RORB: variants seen among roughly 807,000 people sequenced by gnomAD.
The protein encoded by RORB is RAR related orphan receptor B.
Under a neutral mutation model 59.1 loss-of-function variants are expected in RORB, and 6 were observed. The ratio of observed to expected loss-of-function variants is 0.10; its 90% CI spans 0.06 to 0.20. RORB has a LOEUF of 0.20. Ranked by LOEUF, RORB falls within the 10% of genes least tolerant of loss-of-function variation. The pLI is 1.00. For missense variants in RORB, 320 were observed against 560.5 expected, an observed-to-expected ratio of 0.57 and a Z score of 4.33; for synonymous variants, 215 against 204.5, an observed-to-expected ratio of 1.05 and a Z score of -0.44.
chr9:74,591,017 G>T (rs559193776), intron 1 of RORB, among the ~76,000 whole-genome samples: 2 of 152,044 alleles, frequency 1.3e-5, no homozygotes, highest in African/African-American at 4.8e-5. Context: ...GGATAGTCCC[G>T]ATCTCCTGAC....
chr9:74,561,454 A>G (rs548813818), intron 1 of RORB, among the ~76,000 whole-genome samples: 8 of 152,190 alleles, frequency 5.3e-5, no homozygotes, highest in Non-Finnish European at 8.8e-5. Context: ...AAGATTTCAA[A>G]TCTTTTATTT....
chr9:74,645,625 G>T (rs1181017326), intron 4 of RORB, among the ~76,000 whole-genome samples: 3 of 152,072 alleles, frequency 2.0e-5, no homozygotes, highest in Non-Finnish European at 2.9e-5. Flanking sequence ...TTGACTATTA[G>T]TATCACTGGT....
chr9:74,546,077 G>T (rs1826483964), intron 1 of RORB, among the ~76,000 whole-genome samples: 1 of 152,196 alleles, frequency 6.6e-6, no homozygotes, highest in Non-Finnish European at 1.5e-5. Flanking sequence ...CATGGCAGAA[G>T]GAAAATATGT....
intron 1 of RORB, among the ~76,000 whole-genome samples, chr9:74,533,892 G>A (rs1411201750): frequency 6.6e-6 from 1 of 151,994 alleles, no homozygotes; most frequent in African/African-American, 2.4e-5. Context: ...TGCATTAGGG[G>A]TTGGTAAAGG....
chr9:74,571,916 C>T (rs779932220), intron 1 of RORB, among the ~76,000 whole-genome samples: 3 of 152,100 alleles, frequency 2.0e-5, no homozygotes, highest in African/African-American at 4.8e-5. Flanking sequence ...CATTCCCAGT[C>T]GGTGCACATC....
At chr9:74,658,023 A>AT (rs1216852313) in intron 4 of RORB, among the ~76,000 whole-genome samples, 9 of 141,530 alleles carry the variant, frequency 6.4e-5, no homozygotes, top group Non-Finnish European at 1.1e-4. Flanking sequence ...AAAAAAAAAA[A>AT]AAAAAGAAAA....
chr9:74,497,662 A>T lies in RORB; in HGVS notation c.-315A>T, dbSNP rs1217659347. On this transcript the variant is annotated 5_prime_UTR_variant, in exon 1 of 10. Coordinates refer to ENST00000376896, the MANE Select transcript of RORB (RefSeq NM_006914.4). The stretch of plus-strand genomic sequence containing the variant: ...AAAGCAAGCACATTGGAGAGAAAGA[A>T]AAAGAAAAACAAAACCAAAACAAAA... The T allele has an allele frequency of 8.7e-6, 4 of 458,842 alleles. No individual in the cohort carries two copies. In the Admixed American group the frequency reaches 1.4e-4, roughly 16 times the overall value. The allele number at this position is 458,842 out of a possible 1,614,324, so 28.4% of individuals were successfully genotyped here.
intron 9 of RORB, among the ~76,000 whole-genome samples, chr9:74,673,386 G>A (rs1420723435): frequency 6.6e-6 from 1 of 151,882 alleles, no homozygotes; most frequent in Non-Finnish European, 1.5e-5. Context: ...GAAAATTCTC[G>A]CTATTCTGCT....
intron 1 of RORB, among the ~76,000 whole-genome samples, chr9:74,606,722 G>A (rs898702722): frequency 6.6e-6 from 1 of 152,216 alleles, no homozygotes; most frequent in African/African-American, 2.4e-5. Flanking sequence ...ACAGAGCTAA[G>A]TTGGTTTAAC....
chr9:74,691,882 A>G lies in RORB; in HGVS notation c.*6264A>G, dbSNP rs960769811. On this transcript the variant is annotated 3_prime_UTR_variant, in exon 10 of 10. Transcript: ENST00000376896. ...AGGGCTGTCAATTAAATCTGCTCCA[A>G]AGAATTTGTATTGAAGATTGGCCTA... 1.3e-5 allele frequency: 2 copies of G among 152,196 alleles called. No homozygotes were observed. The highest frequency in any genetic ancestry group is 4.8e-5 in the African/African-American group (2 of 41,448). The allele number at this position is 152,196 out of a possible 1,614,324, so 9.4% of individuals were successfully genotyped here.
At chr9:74,515,670 C>T (rs1283030826) in intron 1 of RORB, among the ~76,000 whole-genome samples, 1 of 151,954 alleles carries the variant, frequency 6.6e-6, no homozygotes, top group Admixed American at 6.6e-5. Flanking sequence ...TTCCAAAATG[C>T]TGTCACTTTT....
At chr9:74,503,280 A>G (rs1825826004) in intron 1 of RORB, among the ~76,000 whole-genome samples, 1 of 152,058 alleles carries the variant, frequency 6.6e-6, no homozygotes, top group South Asian at 2.1e-4. Flanking sequence ...CTTACTTTGA[A>G]TAGAATCTCT....
At chr9:74,621,431 T>C (rs1354344201) in intron 1 of RORB, among the ~76,000 whole-genome samples, 1 of 152,252 alleles carries the variant, frequency 6.6e-6, no homozygotes, top group Admixed American at 6.5e-5. Context: ...GCTCTTTTTA[T>C]ATTGCCAAAT....
chr9:74,545,341 C>A (rs1391458351), intron 1 of RORB, among the ~76,000 whole-genome samples: 2 of 152,058 alleles, frequency 1.3e-5, no homozygotes, highest in Admixed American at 6.5e-5. Flanking sequence ...GATTGCGGTG[C>A]CTTTTTGTAT....
chr9:74,593,164 G>T (rs1007431435), intron 1 of RORB, among the ~76,000 whole-genome samples: 4 of 152,148 alleles, frequency 2.6e-5, no homozygotes, highest in South Asian at 2.1e-4. Flanking sequence ...ACCATGACTT[G>T]ATTAAAACAG....
At chr9:74,671,949 G>T in intron 9 of RORB, 48 bp downstream of exon 9, 2 of 1,037,816 alleles carry the variant, frequency 1.9e-6, no homozygotes, top group South Asian at 3.0e-5. Flanking sequence ...AGAGCACAGT[G>T]AGCAAAAAGG....
intron 1 of RORB, among the ~76,000 whole-genome samples, chr9:74,557,273 A>G (rs976717291): frequency 2.6e-5 from 4 of 152,148 alleles, no homozygotes; most frequent in Non-Finnish European, 4.4e-5. Context: ...TGAGAAAACT[A>G]CTATTCTATA....
chr9:74,564,623 A>G (rs183320333), intron 1 of RORB, among the ~76,000 whole-genome samples: 20 of 152,328 alleles, frequency 1.3e-4, no homozygotes, highest in Admixed American at 9.8e-4. Context: ...TGTATAGCCG[A>G]CTATGGTTCT....
At chr9:74,534,674 C>T (rs769992497) in intron 1 of RORB, among the ~76,000 whole-genome samples, 22 of 151,950 alleles carry the variant, frequency 1.4e-4, no homozygotes, top group Non-Finnish European at 3.1e-4. Context: ...CCAGTGCCAC[C>T]ATATATAAAT....
Sources: gnomAD v4.1 joint callset for allele counts (sites outside exome capture counted in the v4.1 genomes callset) on GRCh38, gnomAD v4.1.1 for gene constraint, MANE v1.5 for transcripts, NCBI Gene and HGNC (gene_info 2026-07-23, HGNC 2026-07-21) for gene names.